Variants in PLEKHA5 observed in about 807,000 individuals in gnomAD.
PLEKHA5 encodes pleckstrin homology domain containing A5, also known as pleckstrin homology domain-containing family A member 5.
A neutral mutation model predicts 181.9 loss-of-function variants in PLEKHA5; 55 were observed. The observed-to-expected ratio is 0.30, with a 90% CI of 0.24 to 0.38. The LOEUF is 0.38. PLEKHA5 is among the 10% of genes least tolerant of loss of function. The probability of loss-of-function intolerance (pLI) is 1.00; values close to 1 mark genes in which losing one functional copy is unlikely to be tolerated. For synonymous variants in PLEKHA5, 535 were observed against 529.4 expected, an observed-to-expected ratio of 1.01 and a Z score of -0.15; for missense variants, 1,432 against 1,549.5, an observed-to-expected ratio of 0.92 and a Z score of 1.27.
intron 11 of PLEKHA5, among the ~76,000 whole-genome samples, chr12:19,280,741 T>C (rs1276160726): frequency 6.6e-6 from 1 of 151,828 alleles, no homozygotes; most frequent in Non-Finnish European, 1.5e-5. Flanking sequence ...TTTTCTTTTT[T>C]TTTTTTTGAG....
intron 15 of PLEKHA5, among the ~76,000 whole-genome samples, chr12:19,311,991 G>T (rs1399046871): frequency 6.6e-6 from 1 of 152,162 alleles, no homozygotes; most frequent in East Asian, 1.9e-4. Context: ...TCCATGGGCT[G>T]CAGAATGGAT....
At position 19,277,290 on chromosome 12, in the gene PLEKHA5, T is replaced by C. The variant is rs904004850; in HGVS notation, c.1313+2307T>C. Among the ~76,000 whole-genome samples, 7 of 152,266 alleles carry C rather than the reference T, an allele frequency of 4.6e-5. No individual in the cohort carries two copies. In the South Asian group the frequency reaches 6.2e-4, roughly 14 times the overall value. On this transcript the variant is annotated intron_variant, in intron 11 of 31. Coordinates refer to ENST00000429027, the MANE Select transcript of PLEKHA5 (RefSeq NM_001256470.2). Reference sequence around the variant, plus strand: ...TCTTACTTCAAAGAAGAATCACTTTTCCCCGAAAATCATACTTTCTTAAGT... The same window carrying C: ...TCTTACTTCAAAGAAGAATCACTTTCCCCCGAAAATCATACTTTCTTAAGT...
At chr12:19,166,418 CTT>C (rs1355769677) in intron 3 of PLEKHA5, among the ~76,000 whole-genome samples, 2 of 152,118 alleles carry the variant, frequency 1.3e-5, no homozygotes, top group Non-Finnish European at 2.9e-5. Flanking sequence ...GCTTTTGCCT[CTT>C]TTTATTTGAG....
At chr12:19,328,274 T>C (rs755448342) in intron 20 of PLEKHA5, among the ~76,000 whole-genome samples, 2 of 152,170 alleles carry the variant, frequency 1.3e-5, no homozygotes, top group Non-Finnish European at 2.9e-5. Context: ...TGCCTCTGGC[T>C]TTGTTTTTGT....
rs2084135624 is a variant in PLEKHA5, at chr12:19,307,082, A to G, written c.2038-7732A>G. On this transcript the variant is annotated intron_variant, in intron 15 of 31. Coordinates refer to ENST00000429027, the MANE Select transcript of PLEKHA5 (RefSeq NM_001256470.2). ...TTGAACTCAATCTGTTGCCACAGAT[A>G]GTTGCTGAAGCTTATGAGCACTGTT... 8 of 1,202,414 alleles carry G rather than the reference A, an allele frequency of 6.7e-6. No homozygotes were observed. In the East Asian group the frequency reaches 1.4e-4, roughly 21 times the overall value. 74.5% of individuals were successfully genotyped at this position (1,202,414 alleles called of 1,614,324 possible).
At chr12:19,202,953 T>G (rs2054531742) in intron 3 of PLEKHA5, among the ~76,000 whole-genome samples, 2 of 152,150 alleles carry the variant, frequency 1.3e-5, no homozygotes, top group South Asian at 4.1e-4. Context: ...GTTGAGTTTT[T>G]AAACATTCAT....
intron 30 of PLEKHA5, among the ~76,000 whole-genome samples, chr12:19,366,872 G>A (rs1389755665): frequency 1.3e-5 from 2 of 152,098 alleles, no homozygotes; most frequent in East Asian, 3.9e-4. Flanking sequence ...AAAACAAGTT[G>A]TTCTGTGCTC....
intron 28 of PLEKHA5, among the ~76,000 whole-genome samples, chr12:19,360,231 G>T (rs1592631052): frequency 6.6e-6 from 1 of 151,870 alleles, no homozygotes; most frequent in Admixed American, 6.6e-5. Flanking sequence ...TACTGGGGAA[G>T]CTGAGGTGGG....
intron 11 of PLEKHA5, among the ~76,000 whole-genome samples, chr12:19,281,463 G>C (rs2076125030): frequency 6.6e-6 from 1 of 151,836 alleles, no homozygotes; most frequent in African/African-American, 2.4e-5. Flanking sequence ...TGTAGTCCCA[G>C]CTACTCAGGG....
chr12:19,169,973 G>A (rs2045520556), intron 3 of PLEKHA5, among the ~76,000 whole-genome samples: 1 of 152,152 alleles, frequency 6.6e-6, no homozygotes, highest in Non-Finnish European at 1.5e-5. Flanking sequence ...TAGAGAAAAG[G>A]CAATATATAA....
intron 12 of PLEKHA5, among the ~76,000 whole-genome samples, chr12:19,284,567 G>A (rs1032908202): frequency 3.2e-4 from 48 of 152,154 alleles, no homozygotes; most frequent in Non-Finnish European, 4.0e-4. Flanking sequence ...TAGCTTAATG[G>A]TATGTATACA....
Position 19,324,800 on chromosome 12 carries a change from G to A in PLEKHA5, c.2448+2133G>A, listed in dbSNP as rs192084310. ...CCTGACTGGGATAGAGGATTCCTGT[G>A]AGAGGATAGAAAATGTGAGATTAGA... On this transcript the variant is annotated intron_variant, in intron 20 of 31. Transcript: ENST00000429027. Among the ~76,000 whole-genome samples, 260 of 152,324 alleles carry A rather than the reference G, an allele frequency of 1.7e-3. 4 individuals carry two copies. Among genetic ancestry groups the A allele is most frequent in the East Asian group, 1.7e-3 (9 of 5,188 alleles).
chr12:19,192,790 T>A (rs555737967), intron 3 of PLEKHA5, among the ~76,000 whole-genome samples: 1 of 152,322 alleles, frequency 6.6e-6, no homozygotes, highest in East Asian at 1.9e-4. Flanking sequence ...TAGTAAATAA[T>A]TGATCAGAGG....
chr12:19,313,864 T>C (rs1030519588), intron 15 of PLEKHA5, among the ~76,000 whole-genome samples: 6 of 152,168 alleles, frequency 3.9e-5, no homozygotes, highest in African/African-American at 1.4e-4. Flanking sequence ...TCTTACATTA[T>C]ATTAATAAAT....
intron 7 of PLEKHA5, among the ~76,000 whole-genome samples, chr12:19,263,484 T>G (rs866545083): frequency 2.6e-5 from 4 of 152,220 alleles, no homozygotes; most frequent in Non-Finnish European, 4.4e-5. Flanking sequence ...CCCATTCATT[T>G]CTTCTCCATT....
chr12:19,129,864 G>A lies in PLEKHA5; in HGVS notation c.65G>A (p.Arg22Lys), dbSNP rs760623805. The A allele has an allele frequency of 6.2e-7, 1 of 1,605,462 alleles. No homozygotes were observed. The highest frequency in any genetic ancestry group is 1.1e-5 in the South Asian group (1 of 90,256). Residue 22 changes from arginine to lysine, a missense_variant, in exon 1 of 32, where the codon AGG becomes AAG. Arg to Lys is a conservative substitution (Grantham distance 26). This residue lies in a region of PLEKHA5 where 289 missense variants were observed against 381.1 expected (regional missense o/e 0.76). Transcript: ENST00000429027. ...LPRSWTYGIT[R>K]GGRVFFINEE... is the part of the protein sequence containing the mutation. ...CGGTCCTGGACTTACGGGATCACCAGGGGCGGCCGAGTCTTCTTCATCAAG... is the reference window on the plus strand; with the variant it reads ...CGGTCCTGGACTTACGGGATCACCAAGGGCGGCCGAGTCTTCTTCATCAAG...
intron 8 of PLEKHA5, 140 bp from the exon 9 acceptor site, chr12:19,269,630 C>T: frequency 4.0e-6 from 2 of 498,046 alleles, no homozygotes; most frequent in Non-Finnish European, 7.2e-6. Context: ...GATTCATTTC[C>T]ATATCTCAGG....
intron 15 of PLEKHA5, among the ~76,000 whole-genome samples, chr12:19,308,103 A>G (rs1188538096): frequency 6.6e-6 from 1 of 152,130 alleles, no homozygotes; most frequent in Admixed American, 6.5e-5. Context: ...GAGAGAGGAA[A>G]AAAAGAGAAG....
chr12:19,365,774 T>C (rs1215032787), intron 29 of PLEKHA5, among the ~76,000 whole-genome samples, 190 bp from the exon 30 acceptor site: 1 of 152,194 alleles, frequency 6.6e-6, no homozygotes, highest in Non-Finnish European at 1.5e-5. Flanking sequence ...CAAGTAATTA[T>C]TGAAATGAAT....
Sources: allele counts gnomAD v4.1 joint callset (sites outside exome capture counted in the v4.1 genomes callset), GRCh38; gene constraint gnomAD v4.1.1; regional missense constraint gnomAD v4.1.1; transcripts MANE v1.5; gene names NCBI Gene and HGNC (gene_info 2026-07-23, HGNC 2026-07-21).